Variants in AGBL2 observed in about 807,000 individuals in gnomAD.
AGBL2 encodes the protein cytosolic carboxypeptidase 2.
Under a neutral mutation model 103.0 loss-of-function variants are expected in AGBL2, and 87 were observed. That is an observed-to-expected ratio of 0.84 (90% confidence interval 0.71 to 1.01). The LOEUF (loss-of-function observed/expected upper bound fraction) is 1.01. Among genes scored for constraint, AGBL2 ranks in the 50% least tolerant of loss-of-function variants. AGBL2 has a pLI of 0.00. For missense variants in AGBL2, 904 were observed against 1,023.5 expected (o/e 0.88, Z 1.59); for synonymous variants, 335 against 356.7 (o/e 0.94, Z 0.69).
At position 47,673,008 on chromosome 11, in the gene AGBL2, G is replaced by C. The variant is rs575457247; in HGVS notation, c.2148-4101C>G. Among the ~76,000 whole-genome samples the C allele has an allele frequency of 3.3e-5, 5 of 152,266 alleles. No homozygotes were observed. The South Asian group carries it at 1.0e-3, about 32-fold the overall frequency. On this transcript the variant is annotated intron_variant, in intron 14 of 18. Coordinates refer to ENST00000525123, the MANE Select transcript of AGBL2 (RefSeq NM_024783.4). ...TAACCTTTTGGGGGCTTCCTAAATA[G>C]CTGGGGAGACTATGAAGGTACAGAT...
chr11:47,714,240 C>G lies in AGBL2; in HGVS notation c.97+44G>C, dbSNP rs147962745. ...TCCCAGCTAACGAAGCAATTTTCCTCTTGAGTCCAGGAAAGGTGATACTAG... is the reference window on the plus strand; with the variant it reads ...TCCCAGCTAACGAAGCAATTTTCCTGTTGAGTCCAGGAAAGGTGATACTAG... On this transcript the variant is annotated intron_variant, in intron 3 of 18. Transcript: ENST00000525123. The G allele has an allele frequency of 2.2e-3, 3,311 of 1,522,038 alleles. 7 individuals carry two copies. The highest frequency in any genetic ancestry group is 8.7e-3 in the Middle Eastern group (51 of 5,854). 94.3% of individuals were successfully genotyped at this position (1,522,038 alleles called of 1,614,324 possible).
intron 3 of AGBL2, 127 bp downstream of exon 3, chr11:47,714,157 A>G (rs2097543542): frequency 2.9e-6 from 2 of 697,272 alleles, no homozygotes; most frequent in Non-Finnish European, 5.0e-6. Context: ...CTAATGGTAG[A>G]GGAAAAAGTA....
rs1185885385 is a variant in AGBL2 at position 47,659,736 on chromosome 11, A to G, written c.*437T>C. On this transcript the variant is annotated 3_prime_UTR_variant, in exon 19 of 19. Coordinates refer to ENST00000525123, the MANE Select transcript of AGBL2 (RefSeq NM_024783.4). ...ATTGTGAGCAAACCTGACATACAGCAGTAGGACTGACCGTCACTAGAAAGC... is the reference window on the plus strand; with the variant it reads ...ATTGTGAGCAAACCTGACATACAGCGGTAGGACTGACCGTCACTAGAAAGC... 1 of 154,044 alleles carries G rather than the reference A, an allele frequency of 6.5e-6. No homozygotes were observed. Among genetic ancestry groups the G allele is most frequent in the East Asian group, 1.9e-4 (1 of 5,240 alleles). 9.5% of individuals were successfully genotyped at this position (154,044 alleles called of 1,614,324 possible).
intron 6 of AGBL2, 81 bp from the exon 7 acceptor site, chr11:47,704,809 A>G (rs2097511891): frequency 9.3e-7 from 1 of 1,077,076 alleles, no homozygotes; most frequent in Admixed American, 2.2e-5. Flanking sequence ...CAATGAAACT[A>G]TTTTAAGCAT....
In AGBL2 at chr11:47,710,716, G is replaced by T. The variant is rs748063706; in HGVS notation, c.98-205C>A. The T allele has an allele frequency of 4.0e-4, 261 of 649,484 alleles. 1 individual carries two copies. Among genetic ancestry groups the T allele is most frequent in the Non-Finnish European group, 6.6e-4 (236 of 357,606 alleles). The allele number at this position is 649,484 out of a possible 1,614,324, so 40.2% of individuals were successfully genotyped here. A position where few individuals can be genotyped will look rare whatever the true frequency, so the allele number is the denominator to read the frequency against. On this transcript the variant is annotated intron_variant, in intron 3 of 18. Transcript: ENST00000525123. ...TCCCCACCTTACAGCTGAGGAAATG[G>T]ATGTGAAGAGGAGACTTGAGAAGCA...
At chr11:47,711,784 C>T (rs1314494379) in intron 3 of AGBL2, among the ~76,000 whole-genome samples, 3 of 152,252 alleles carry the variant, frequency 2.0e-5, no homozygotes, top group African/African-American at 7.2e-5. Context: ...ATCTGCCCAC[C>T]TTGGCCTCCC....
chr11:47,666,325 T>G (rs1394310110), intron 17 of AGBL2, among the ~76,000 whole-genome samples: 1 of 145,852 alleles, frequency 6.9e-6, no homozygotes, highest in Non-Finnish European at 1.5e-5. Context: ...ACCCAAGAGG[T>G]GGAAGTTGCA....
chr11:47,690,598 C>A lies in AGBL2; in HGVS notation c.1109G>T (p.Gly370Val), dbSNP rs2097441292. Residue 370 changes from glycine (G) to valine (V), a missense_variant, in exon 10 of 19, where the codon GGG becomes GTG. Gly to Val is a moderately radical substitution (Grantham distance 109). Transcript: ENST00000525123. Reference protein sequence around the residue: ...IKYYKNNTDDGQQPFYCLTWT... With the variant: ...IKYYKNNTDDVQQPFYCLTWT... ...CGTGAGACAGTAGAAGGGCTGCTGC[C>A]CATCATCCGTGTTGTTCTTGTAGTA... is the stretch of plus-strand genomic sequence containing the variant. The A allele has an allele frequency of 6.2e-7, 1 of 1,614,110 alleles. No individual in the cohort carries two copies. Among genetic ancestry groups the A allele is most frequent in the Non-Finnish European group, 8.5e-7 (1 of 1,180,024 alleles).
rs759522777 is a variant in AGBL2 at position 47,704,706 on chromosome 11, T to C, written c.423A>G (p.Pro141=). 16 of 1,614,040 alleles carry C rather than the reference T, an allele frequency of 9.9e-6. No homozygotes were observed. Among genetic ancestry groups the C allele is most frequent in the South Asian group, 3.3e-5 (3 of 91,072 alleles). ...GITDSHMLSL[P]HLRSRQLLYD... ...AAAGAAGCTGTCTGCTCCTAAGATG[T>C]GGTAAACTCAGCATATGTGAATCTG... is the stretch of plus-strand genomic sequence containing the variant. Residue 141 remains proline, a synonymous_variant, in exon 7 of 19, where the codon CCA becomes CCG. Coordinates refer to ENST00000525123, the MANE Select transcript of AGBL2 (RefSeq NM_024783.4).
Position 47,669,986 on chromosome 11 carries a change from G to A in AGBL2, c.2148-1079C>T, listed in dbSNP as rs181008489. On this transcript the variant is annotated intron_variant, in intron 14 of 18. Transcript: ENST00000525123. ...TACTGCATGCCAAGCAGTGTGCTAG[G>A]CACAGGGAACACAGATGAACGAGGC... 5.7e-4 allele frequency among the ~76,000 whole-genome samples: 87 copies of A among 152,334 alleles called. 1 individual carries two copies. Among genetic ancestry groups the A allele is most frequent in the Admixed American group, 4.4e-3 (68 of 15,294 alleles).
chr11:47,696,035 A>ACG (rs1565068950), intron 8 of AGBL2, among the ~76,000 whole-genome samples: 1 of 10,292 alleles, frequency 9.7e-5, no homozygotes, highest in Non-Finnish European at 2.8e-4. Flanking sequence ...AAAAAAAAAA[A>ACG]AGAAAAAAAA....
chr11:47,681,928 C>T (rs773867938), intron 12 of AGBL2, 41 bp downstream of exon 12: 2 of 1,591,408 alleles, frequency 1.3e-6, no homozygotes, highest in African/African-American at 1.4e-5. Flanking sequence ...GCTTGGATTT[C>T]CCTTCCTATG....
At position 47,714,900 on chromosome 11, in the gene AGBL2, A is replaced by G. The variant is rs1027019583; in HGVS notation, c.-100-150T>C. The G allele has an allele frequency of 2.8e-5, 15 of 529,932 alleles. No homozygotes were observed. In the East Asian group the frequency reaches 4.7e-4, roughly 17 times the overall value. The allele number at this position is 529,932 out of a possible 1,614,324, so 32.8% of individuals were successfully genotyped here. On this transcript the variant is annotated intron_variant, in intron 1 of 18. Coordinates refer to ENST00000525123, the MANE Select transcript of AGBL2 (RefSeq NM_024783.4). ...CCGAGGCCAGAGGTGCATCTGAGAC[A>G]GGGAGGGCAGCGTATCTTCCCGCTT...
intron 12 of AGBL2, among the ~76,000 whole-genome samples, chr11:47,680,576 C>A (rs141312581): frequency 3.3e-5 from 5 of 152,108 alleles, no homozygotes; most frequent in African/African-American, 1.2e-4. Context: ...CCTAGGAGTT[C>A]GAGACTAGCC....
At chr11:47,710,823 G>A (rs757672923) in intron 3 of AGBL2, 78 of 474,964 alleles carry the variant, frequency 1.6e-4, no homozygotes, top group South Asian at 1.2e-3. Context: ...CTCAGAAAAT[G>A]ATAGCCAAAG....
intron 8 of AGBL2, among the ~76,000 whole-genome samples, chr11:47,694,959 G>A (rs1599029566): frequency 6.6e-6 from 1 of 152,038 alleles, no homozygotes; most frequent in East Asian, 1.9e-4. Context: ...GACCAGCCTG[G>A]CCAACATGGT....
chr11:47,714,783 T>A, intron 1 of AGBL2, 33 bp from the exon 2 acceptor site: 1 of 904,810 alleles, frequency 1.1e-6, no homozygotes, highest in Non-Finnish European at 1.8e-6. Flanking sequence ...GTGAAAAAAC[T>A]GCCAATACCT....
chr11:47,669,331 G>A (rs1212998490), intron 14 of AGBL2, among the ~76,000 whole-genome samples: 1 of 152,178 alleles, frequency 6.6e-6, no homozygotes, highest in African/African-American at 2.4e-5. Context: ...GCCTCTTAAA[G>A]TACTTAGATT....
chr11:47,693,075 C>G (rs1243035496), intron 8 of AGBL2, among the ~76,000 whole-genome samples: 1 of 152,142 alleles, frequency 6.6e-6, no homozygotes, highest in Non-Finnish European at 1.5e-5. Context: ...CTTCTTCAGC[C>G]TCCCAAAGTG....
Sources: gnomAD v4.1 joint callset for allele counts (sites outside exome capture counted in the v4.1 genomes callset) on GRCh38, gnomAD v4.1.1 for gene constraint, MANE v1.5 for transcripts, NCBI Gene and HGNC (gene_info 2026-07-23, HGNC 2026-07-21) for gene names.